Variants in KCNH5 observed in about 807,000 individuals in gnomAD.
KCNH5 encodes the protein potassium voltage-gated channel subfamily H member 5, also known as voltage-gated delayed rectifier potassium channel KCNH5.
Under a neutral mutation model 96.1 loss-of-function variants are expected in KCNH5, and 46 were observed. The ratio of observed to expected loss-of-function variants is 0.48; its 90% CI spans 0.38 to 0.61. The LOEUF (loss-of-function observed/expected upper bound fraction) is 0.61, where lower values mean the gene tolerates loss of function less well. KCNH5 is among the 20% of genes least tolerant of loss of function. The probability of loss-of-function intolerance (pLI) is 0.00; values close to 1 mark genes in which losing one functional copy is unlikely to be tolerated. For missense variants in KCNH5, 907 were observed against 1,225.8 expected (o/e 0.74, Z 3.88); for synonymous variants, 439 against 449.8 (o/e 0.98, Z 0.30).
intron 10 of KCNH5, among the ~76,000 whole-genome samples, chr14:62,719,205 T>C (rs1159509058): frequency 6.6e-6 from 1 of 152,228 alleles, no homozygotes; most frequent in Non-Finnish European, 1.5e-5. Context: ...TTGTATGGAA[T>C]GGGAACTATA....
intron 6 of KCNH5, among the ~76,000 whole-genome samples, chr14:62,970,687 T>C (rs540577716): frequency 1.3e-5 from 2 of 152,286 alleles, no homozygotes; most frequent in South Asian, 2.1e-4. Context: ...TATGCAAAGC[T>C]GGTGCAACAT....
At chr14:62,799,691 T>TTATATATATA (rs71410693) in intron 9 of KCNH5, among the ~76,000 whole-genome samples, 1,057 of 57,868 alleles carry the variant, frequency 0.018, 26 homozygotes, top group Middle Eastern at 0.026. Flanking sequence ...GTATATACCT[T>TTATATATATA]TATATATATA....
intron 7 of KCNH5, among the ~76,000 whole-genome samples, chr14:62,904,607 C>T (rs1427622226): frequency 6.6e-6 from 1 of 152,120 alleles, no homozygotes; most frequent in East Asian, 1.9e-4. Flanking sequence ...ATACATGTCA[C>T]AGAAAGTAAG....
intron 8 of KCNH5, among the ~76,000 whole-genome samples, chr14:62,825,562 A>G (rs1478312264): frequency 1.3e-5 from 2 of 152,144 alleles, no homozygotes; most frequent in Non-Finnish European, 2.9e-5. Flanking sequence ...CATATTCAGC[A>G]TCTAATAAAA....
intron 10 of KCNH5, among the ~76,000 whole-genome samples, chr14:62,749,357 C>T (rs2139943181): frequency 6.6e-6 from 1 of 152,272 alleles, no homozygotes; most frequent in Non-Finnish European, 1.5e-5. Flanking sequence ...AGTTTAATTC[C>T]AGATAAGCAG....
At chr14:62,753,403 G>T (rs927326659) in intron 10 of KCNH5, among the ~76,000 whole-genome samples, 1 of 152,150 alleles carries the variant, frequency 6.6e-6, no homozygotes, top group African/African-American at 2.4e-5. Context: ...AGAGAAGGTA[G>T]AGAGACAGAG....
intron 7 of KCNH5, among the ~76,000 whole-genome samples, chr14:62,850,869 CAAGT>C (rs1176909017): frequency 6.6e-6 from 1 of 152,134 alleles, no homozygotes; most frequent in East Asian, 1.9e-4. Flanking sequence ...AAGCATTTCA[CAAGT>C]AAGTAGACTC....
chr14:62,880,854 G>A (rs913272477), intron 7 of KCNH5, among the ~76,000 whole-genome samples: 2 of 152,102 alleles, frequency 1.3e-5, no homozygotes, highest in African/African-American at 4.8e-5. Context: ...CTTATTTTTA[G>A]AAGATGAAAA....
At chr14:62,911,670 A>G (rs958090821) in intron 7 of KCNH5, among the ~76,000 whole-genome samples, 1 of 152,086 alleles carries the variant, frequency 6.6e-6, no homozygotes, top group Non-Finnish European at 1.5e-5. Context: ...CATTTTGTAT[A>G]TAAGAAAAAA....
At chr14:62,843,317 A>T (rs1887622869) in intron 8 of KCNH5, among the ~76,000 whole-genome samples, 1 of 151,756 alleles carries the variant, frequency 6.6e-6, no homozygotes, top group South Asian at 2.1e-4. Context: ...CATGATCATT[A>T]TCTTTCTTGA....
chr14:62,830,265 GCCCTC>G (rs1887314520), intron 8 of KCNH5, among the ~76,000 whole-genome samples: 1 of 152,112 alleles, frequency 6.6e-6, no homozygotes, highest in African/African-American at 2.4e-5. Context: ...CTTCTTCTGA[GCCCTC>G]CAACTATTCC....
chr14:62,909,835 C>G (rs933218710), intron 7 of KCNH5, among the ~76,000 whole-genome samples: 3 of 152,150 alleles, frequency 2.0e-5, no homozygotes, highest in African/African-American at 7.2e-5. Context: ...TACAAACCCC[C>G]CAAACACACT....
intron 10 of KCNH5, among the ~76,000 whole-genome samples, chr14:62,717,973 T>C (rs980658315): frequency 4.6e-5 from 7 of 152,066 alleles, no homozygotes; most frequent in Non-Finnish European, 7.4e-5. Flanking sequence ...TGTGCAGCAA[T>C]ATGGAGGCAG....
chr14:62,970,179 C>A (rs1566725972), intron 6 of KCNH5, among the ~76,000 whole-genome samples: 1 of 149,858 alleles, frequency 6.7e-6, no homozygotes, highest in Non-Finnish European at 1.5e-5. Context: ...TCCATGAATA[C>A]TAAAGGGATA....
intron 7 of KCNH5, among the ~76,000 whole-genome samples, chr14:62,941,873 C>T (rs1889796458): frequency 6.6e-6 from 1 of 152,142 alleles, no homozygotes; most frequent in South Asian, 2.1e-4. Flanking sequence ...AGTACCTCTC[C>T]AAGTCCAAGT....
intron 9 of KCNH5, among the ~76,000 whole-genome samples, chr14:62,780,879 G>A (rs73273103): frequency 0.075 from 11,360 of 152,040 alleles, 667 homozygotes; most frequent in African/African-American, 0.15. Flanking sequence ...AAAAAGACAG[G>A]GGGAATATAT....
At position 62,752,071 on chromosome 14, in the gene KCNH5, A is replaced by C. The variant is rs572434213; in HGVS notation, c.2019+27657T>G. Reference sequence around the variant, plus strand: ...TACATTCCTTCATCCCTTCCAACCAACAAGTGACCACATAATCTCTCCTCC... The same window carrying C: ...TACATTCCTTCATCCCTTCCAACCACCAAGTGACCACATAATCTCTCCTCC... On this transcript the variant is annotated intron_variant, in intron 10 of 10. Transcript: ENST00000322893. Among the ~76,000 whole-genome samples, 21 of 152,200 alleles carry C rather than the reference A, an allele frequency of 1.4e-4. No homozygotes were observed. In the East Asian group the frequency reaches 3.5e-3, roughly 25 times the overall value.
At chr14:62,774,216 G>A (rs1420276241) in intron 10 of KCNH5, among the ~76,000 whole-genome samples, 1 of 152,162 alleles carries the variant, frequency 6.6e-6, no homozygotes, top group Non-Finnish European at 1.5e-5. Flanking sequence ...AGGACTTGGT[G>A]CTTCTGGTTT....
At chr14:62,879,502 AATT>A (rs1274408489) in intron 7 of KCNH5, among the ~76,000 whole-genome samples, 1 of 152,136 alleles carries the variant, frequency 6.6e-6, no homozygotes, top group Non-Finnish European at 1.5e-5. Flanking sequence ...TTAACCCGCA[AATT>A]ATTATTATTG....
Sources: allele counts gnomAD v4.1 joint callset (sites outside exome capture counted in the v4.1 genomes callset), GRCh38; gene constraint gnomAD v4.1.1; transcripts MANE v1.5; gene names NCBI Gene and HGNC (gene_info 2026-07-23, HGNC 2026-07-21).